LOXHD1: variants seen among roughly 807,000 people sequenced by gnomAD.
The protein encoded by LOXHD1 is lipoxygenase homology domain-containing protein 1.
A neutral mutation model predicts 248.2 loss-of-function variants in LOXHD1; 205 were observed. The observed-to-expected ratio is 0.83, with a 90% CI of 0.74 to 0.93. LOXHD1 has a LOEUF of 0.93. LOXHD1 is among the 40% of genes least tolerant of loss of function. The pLI is 0.00. For missense variants in LOXHD1, 2,930 were observed against 2,971.6 expected (o/e 0.99, Z 0.33); for synonymous variants, 1,113 against 1,162.8 (o/e 0.96, Z 0.87).
intron 5 of LOXHD1, among the ~76,000 whole-genome samples, chr18:46,614,563 C>T (rs2038557451): frequency 6.6e-6 from 1 of 152,006 alleles, no homozygotes; most frequent in Admixed American, 6.6e-5. Flanking sequence ...ATACTGGGGC[C>T]TGTCATGGGA....
At chr18:46,618,154 G>A in intron 5 of LOXHD1, 38 bp downstream of exon 5, 1 of 1,474,692 alleles carries the variant, frequency 6.8e-7, no homozygotes, top group Non-Finnish European at 9.3e-7. Flanking sequence ...AAATAGTCCT[G>A]GGCTTGGCTT....
intron 21 of LOXHD1, among the ~76,000 whole-genome samples, chr18:46,553,808 G>C (rs2037206350): frequency 6.6e-6 from 1 of 152,208 alleles, no homozygotes; most frequent in African/African-American, 2.4e-5. Flanking sequence ...AGGCCTCACT[G>C]AGAAGGTGAC....
At chr18:46,560,774 TC>T (rs1938375388) in intron 18 of LOXHD1, among the ~76,000 whole-genome samples, 1 of 152,142 alleles carries the variant, frequency 6.6e-6, no homozygotes, top group Non-Finnish European at 1.5e-5. Flanking sequence ...GTTTATTTCT[TC>T]CAACTTCTGT....
intron 4 of LOXHD1, among the ~76,000 whole-genome samples, chr18:46,632,810 A>C (rs1168945581): frequency 6.6e-6 from 1 of 152,190 alleles, no homozygotes; most frequent in Non-Finnish European, 1.5e-5. Context: ...GAGTGAGACA[A>C]GCCTAGAGAT....
rs1394966312 is a variant in LOXHD1, at chr18:46,594,334, TC to T, written c.1266del (p.Lys424AsnfsTer13). ...YEMVSLRKKR[L>X]KKFPWSLWVW... ...GTTCTGGGTCTCTCTCACTTACTTT[TC>T]AGCCGCTTCTTCCTGAGAGACACCA... On this transcript the variant is annotated frameshift_variant, in exon 9 of 41. Coordinates refer to ENST00000642948, the MANE Select transcript of LOXHD1 (RefSeq NM_001384474.1). LOFTEE classifies it high-confidence loss of function. 1 of 1,551,468 alleles carries T rather than the reference TC, an allele frequency of 6.4e-7. No homozygotes were observed. Among genetic ancestry groups the T allele is most frequent in the Non-Finnish European group, 8.7e-7 (1 of 1,146,990 alleles).
In LOXHD1 at chr18:46,541,842, C is replaced by A. The variant is rs373541883; in HGVS notation, c.3847G>T (p.Glu1283Ter). Residue 1283 changes from glutamate (E) to a stop codon, truncating the protein, a stop_gained, in exon 25 of 41, where the codon GAA (glutamate) becomes TAA (stop). Transcript: ENST00000642948. LOFTEE classifies it high-confidence loss of function. The part of the protein sequence containing the change: ...FPCGRWLAKN[E>*]DDGSIIRDLF... ...TCTCTGATGATGGACCCGTCGTCTT[C>A]GTTTTTGGCCAGCCAGCGGCCACAG... 3.2e-6 allele frequency: 5 copies of A among 1,551,694 alleles called. No individual in the cohort carries two copies. Among genetic ancestry groups the A allele is most frequent in the Non-Finnish European group, 4.4e-6 (5 of 1,146,996 alleles).
rs1017180835 is a variant in LOXHD1, at chr18:46,546,984, A to G, written c.3425T>C (p.Val1142Ala). The change falls in exon 22 of 41, where the codon GTG becomes GCG. Residue 1142 changes from valine to alanine, a missense_variant. Transcript: ENST00000642948. The part of the protein sequence containing the change: ...DGQLSRELLP[V>A]DESYVLPQSE... ...CTGTGGCAGCACATAGGACTCATCC[A>G]CTGGCAACAGCTCCCTGGACAGCTG... The G allele has an allele frequency of 1.3e-6, 2 of 1,551,744 alleles. No homozygotes were observed.
rs112463030 is a variant in LOXHD1, at chr18:46,577,834, G to C, written c.1843C>G (p.Arg615Gly). The C allele has an allele frequency of 3.2e-6, 5 of 1,551,590 alleles. No individual in the cohort carries two copies. Among genetic ancestry groups the C allele is most frequent in the Non-Finnish European group, 4.4e-6 (5 of 1,146,984 alleles). Residue 615 changes from arginine (R) to glycine (G), a missense_variant, in exon 14 of 41, where the codon CGG becomes GGG. By Grantham distance (125) the Arg-to-Gly change is moderately radical. Transcript: ENST00000642948. Reference sequence around the variant, plus strand: ...CTGATCCTCACCCGCCTCACATTCCGCATGGTGACAGACTCGATAGTGAAC... The same window carrying C: ...CTGATCCTCACCCGCCTCACATTCCCCATGGTGACAGACTCGATAGTGAAC... Reference protein sequence around the residue: ...DEFTIESVTMRNVRRVRIRHD... With the variant: ...DEFTIESVTMGNVRRVRIRHD...
In LOXHD1 at chr18:46,566,239, C is replaced by T. The variant is rs1434578525; in HGVS notation, c.2437+18G>A. ...CCATGGGAAACAATGGGTGGTCCCA[C>T]CACAGCCTCCTCCATACATTTCTGG... On this transcript the variant is annotated intron_variant, in intron 17 of 40. Coordinates refer to ENST00000642948, the MANE Select transcript of LOXHD1 (RefSeq NM_001384474.1). The T allele has an allele frequency of 6.5e-7, 1 of 1,536,744 alleles. No homozygotes were observed.
chr18:46,623,136 T>A (rs1207534989), intron 4 of LOXHD1, among the ~76,000 whole-genome samples: 2 of 152,234 alleles, frequency 1.3e-5, no homozygotes, highest in Non-Finnish European at 2.9e-5. Context: ...CATTAGCCTA[T>A]ATGGAACCTT....
intron 37 of LOXHD1, among the ~76,000 whole-genome samples, chr18:46,492,436 T>C (rs1020514288): frequency 2.6e-5 from 4 of 152,166 alleles, no homozygotes; most frequent in African/African-American, 7.2e-5. Context: ...GAGAGAATGA[T>C]TGCCAAGTGA....
chr18:46,624,321 G>C (rs1246271835), intron 4 of LOXHD1, among the ~76,000 whole-genome samples: 2 of 152,212 alleles, frequency 1.3e-5, no homozygotes, highest in Non-Finnish European at 2.9e-5. Flanking sequence ...AGATTCAGCG[G>C]GGGCTGCCCT....
chr18:46,545,456 G>T (rs2036760284), intron 22 of LOXHD1, 35 bp from the exon 23 acceptor site: 1 of 1,471,928 alleles, frequency 6.8e-7, no homozygotes, highest in Non-Finnish European at 9.3e-7. Context: ...ATGAATTGTA[G>T]ACTGTTCCTT....
intron 8 of LOXHD1, among the ~76,000 whole-genome samples, chr18:46,597,200 A>G (rs1379578239): frequency 1.3e-5 from 2 of 152,232 alleles, no homozygotes; most frequent in Admixed American, 6.5e-5. Context: ...GAGTAAAGAT[A>G]TCAATTACAT....
intron 25 of LOXHD1, among the ~76,000 whole-genome samples, chr18:46,540,942 C>T (rs1598954479): frequency 6.6e-6 from 1 of 152,136 alleles, no homozygotes; most frequent in Admixed American, 6.5e-5. Context: ...AAAATTTGTT[C>T]ATCACTGATA....
intron 16 of LOXHD1, 37 bp downstream of exon 16, chr18:46,569,405 T>C: frequency 6.6e-7 from 1 of 1,523,992 alleles, no homozygotes; most frequent in Non-Finnish European, 8.9e-7. Flanking sequence ...CGGAAATGGG[T>C]GGGATGATGT....
chr18:46,521,816 T>C (rs1181372413), intron 32 of LOXHD1, among the ~76,000 whole-genome samples: 1 of 152,164 alleles, frequency 6.6e-6, no homozygotes, highest in African/African-American at 2.4e-5. Context: ...TGTGAGATAA[T>C]ACATTTGTGT....
intron 5 of LOXHD1, among the ~76,000 whole-genome samples, chr18:46,616,006 G>C (rs2038581276): frequency 6.6e-6 from 1 of 152,132 alleles, no homozygotes; most frequent in African/African-American, 2.4e-5. Flanking sequence ...AGCTATGCCA[G>C]AATCTTTCCT....
intron 37 of LOXHD1, among the ~76,000 whole-genome samples, chr18:46,496,078 A>ATTT (rs2033847911): frequency 6.6e-6 from 1 of 152,180 alleles, no homozygotes; most frequent in African/African-American, 2.4e-5. Context: ...ACATGACATG[A>ATTT]AGTTTAGGAT....
Sources: allele counts gnomAD v4.1 joint callset (sites outside exome capture counted in the v4.1 genomes callset), GRCh38; gene constraint gnomAD v4.1.1; transcripts MANE v1.5; gene names NCBI Gene and HGNC (gene_info 2026-07-23, HGNC 2026-07-21).